The following FIRRM variants were observed in gnomAD, a reference collection of about 807,000 sequenced individuals.
The protein encoded by FIRRM is FIGNL1 interacting regulator of recombination and mitosis.
At chr1:169,826,112 G>C in the FIRRM span, 268 of 328,796 alleles carry the variant, frequency 8.2e-4, no homozygotes, top group African/African-American at 5.0e-3. Context: ...CGCTCTTGCT[G>C]TCTAGGCTGG....
At chr1:169,815,907 G>T in the FIRRM span, among the ~76,000 whole-genome samples, 1 of 152,182 alleles carries the variant, frequency 6.6e-6, no homozygotes, top group Non-Finnish European at 1.5e-5. Flanking sequence ...TCTTCGGGCT[G>T]AATAGGGATG....
chr1:169,800,827 G>A, the FIRRM span: 1 of 784,032 alleles, frequency 1.3e-6, no homozygotes, highest in Non-Finnish European at 2.1e-6. Flanking sequence ...AAAGGGCAGT[G>A]GCCTTTGTTG....
At chr1:169,806,655 G>T in the FIRRM span, among the ~76,000 whole-genome samples, 1 of 152,164 alleles carries the variant, frequency 6.6e-6, no homozygotes, top group Non-Finnish European at 1.5e-5. Flanking sequence ...AAACATTAAA[G>T]GTCAGTGTAT....
At chr1:169,833,432 A>G in the FIRRM span, among the ~76,000 whole-genome samples, 2 of 152,298 alleles carry the variant, frequency 1.3e-5, no homozygotes, top group Non-Finnish European at 1.5e-5. Flanking sequence ...CTCGGTTTGA[A>G]TCCTGGCATA....
the FIRRM span, chr1:169,853,104 CTTTA>C: frequency 2.2e-6 from 2 of 926,760 alleles, no homozygotes; most frequent in Non-Finnish European, 3.3e-6. Flanking sequence ...TGAAAATAAT[CTTTA>C]TTTGACATTT....
At chr1:169,845,553 C>G in the FIRRM span, among the ~76,000 whole-genome samples, 4 of 152,196 alleles carry the variant, frequency 2.6e-5, no homozygotes, top group Non-Finnish European at 1.5e-5. Flanking sequence ...CCTGCTAGTG[C>G]TTTAATAACT....
chr1:169,807,967 T>A, the FIRRM span: 1 of 1,578,948 alleles, frequency 6.3e-7, no homozygotes, highest in South Asian at 1.2e-5. Flanking sequence ...ACAGCAACTC[T>A]TATTTTCTTT....
At chr1:169,793,067 G>GA in the FIRRM span, 6 of 1,613,940 alleles carry the variant, frequency 3.7e-6, no homozygotes, top group Middle Eastern at 1.6e-4. Flanking sequence ...AATTTCTTTG[G>GA]ACCCTCCCTT....
chr1:169,830,468 C>A, the FIRRM span: 6 of 967,668 alleles, frequency 6.2e-6, no homozygotes, highest in Non-Finnish European at 9.3e-6. Context: ...TCCCAAAACG[C>A]TTTGATTTCA....
the FIRRM span, chr1:169,829,547 A>C: frequency 8.9e-7 from 1 of 1,122,688 alleles, no homozygotes; most frequent in South Asian, 2.0e-5. Context: ...GGGAATACTT[A>C]GTATATTCCT....
chr1:169,845,140 T>C, the FIRRM span, among the ~76,000 whole-genome samples: 1 of 152,220 alleles, frequency 6.6e-6, no homozygotes, highest in South Asian at 2.1e-4. Context: ...ACCACCACAA[T>C]AAAGTGAGTG....
chr1:169,854,051 T>TAAAA, the FIRRM span: 1 of 566,168 alleles, frequency 1.8e-6, no homozygotes, highest in Non-Finnish European at 3.0e-6. Flanking sequence ...CTTTTTCAAA[T>TAAAA]AAAAAGGTTA....
At chr1:169,847,574 TCTGGG>T in the FIRRM span, 1 of 691,738 alleles carries the variant, frequency 1.4e-6, no homozygotes. Context: ...TTTGTTTTTT[TCTGGG>T]TTTGGTTTTG....
chr1:169,850,526 G>A, the FIRRM span: 10 of 517,782 alleles, frequency 1.9e-5, no homozygotes, highest in African/African-American at 9.6e-5. Flanking sequence ...GGCCAGGCGC[G>A]GCGGCTCATG....
the FIRRM span, among the ~76,000 whole-genome samples, chr1:169,832,242 C>G: frequency 6.6e-6 from 1 of 152,166 alleles, no homozygotes; most frequent in Non-Finnish European, 1.5e-5. Flanking sequence ...AGTTCAATCT[C>G]ATTCTAAATT....
the FIRRM span, among the ~76,000 whole-genome samples, chr1:169,788,279 C>T: frequency 6.6e-6 from 1 of 152,182 alleles, no homozygotes; most frequent in Admixed American, 6.5e-5. Context: ...TCAATCAATC[C>T]TCTTCCTCCT....
chr1:169,825,881 TAGAATAC>T, the FIRRM span, among the ~76,000 whole-genome samples: 1 of 152,208 alleles, frequency 6.6e-6, no homozygotes, highest in Non-Finnish European at 1.5e-5. Context: ...GCAAAAAATA[TAGAATAC>T]ATATCTTAGT....
the FIRRM span, among the ~76,000 whole-genome samples, chr1:169,831,580 T>C: frequency 6.6e-6 from 1 of 152,334 alleles, no homozygotes; most frequent in East Asian, 1.9e-4. Context: ...TAAAGAGTGA[T>C]TTTTATGTTA....
At chr1:169,853,956 C>T in the FIRRM span, 38 of 675,694 alleles carry the variant, frequency 5.6e-5, no homozygotes, top group Middle Eastern at 2.6e-4. Context: ...AACCATGGCA[C>T]TGGAAAATAG....
Sources: gnomAD v4.1 joint callset for allele counts (sites outside exome capture counted in the v4.1 genomes callset) on GRCh38, gnomAD v4.1.1 for gene constraint, MANE v1.5 for transcripts, NCBI Gene and HGNC (gene_info 2026-07-23, HGNC 2026-07-21) for gene names.